Variants in WNT2B observed in about 807,000 individuals in gnomAD.
WNT2B encodes the protein protein Wnt-2b.
In WNT2B, 19 loss-of-function variants were observed where a neutral mutation model predicts 40.5. The ratio of observed to expected loss-of-function variants is 0.47; its 90% CI spans 0.33 to 0.69. WNT2B has a LOEUF of 0.69. Ranked by LOEUF, WNT2B falls within the 30% of genes least tolerant of loss-of-function variation. WNT2B has a pLI of 0.02. For synonymous variants in WNT2B, 220 were observed against 211.9 expected, an observed-to-expected ratio of 1.04 and a Z score of -0.33; for missense variants, 467 against 556.4, an observed-to-expected ratio of 0.84 and a Z score of 1.62.
Position 112,509,174 on chromosome 1 carries a change from G to C in WNT2B, c.-89G>C. 2 of 1,393,512 alleles carry C rather than the reference G, an allele frequency of 1.4e-6. No individual in the cohort carries two copies. Among genetic ancestry groups the C allele is most frequent in the Non-Finnish European group, 1.8e-6 (2 of 1,084,060 alleles). The allele number at this position is 1,393,512 out of a possible 1,614,324, so 86.3% of individuals were successfully genotyped here. A position where few individuals can be genotyped will look rare whatever the true frequency, so the allele number is the denominator to read the frequency against. On this transcript the variant is annotated 5_prime_UTR_variant, in exon 1 of 5. Transcript: ENST00000369684. This position sits in a 1 kb window ranked among gnomAD's most constrained non-coding sequence, Gnocchi z 4.2. ...CGCCGGCGAACACCATGGCCCCCCAGGGGGGTGAGGTAGGAGCAGCCTGAG... is the reference window on the plus strand; with the variant it reads ...CGCCGGCGAACACCATGGCCCCCCACGGGGGTGAGGTAGGAGCAGCCTGAG...
chr1:112,467,029 A>G (rs922666402), exon 1 of WNT2B: 1 of 155,688 alleles, frequency 6.4e-6, no homozygotes, highest in African/African-American at 2.4e-5. Flanking sequence ...ATAGAGCAAC[A>G]AGCTGTGGCT....
intron 1 of WNT2B, 178 bp from the exon 2 acceptor site, chr1:112,514,696 A>G (rs552742158): frequency 3.1e-6 from 2 of 653,554 alleles, no homozygotes; most frequent in South Asian, 3.6e-5. Context: ...CTGTATAACT[A>G]TTAATACTTC....
chr1:112,514,580 G>C (rs544486723), intron 1 of WNT2B, among the ~76,000 whole-genome samples: 3 of 152,366 alleles, frequency 2.0e-5, no homozygotes, highest in Middle Eastern at 3.4e-3. Flanking sequence ...CACAGCTTCT[G>C]TGTATGTGAC....
At chr1:112,479,439 TG>T (rs1488030290) in intron 1 of WNT2B, among the ~76,000 whole-genome samples, 6 of 151,460 alleles carry the variant, frequency 4.0e-5, no homozygotes, top group African/African-American at 1.5e-4. Context: ...CCGGTTGTGG[TG>T]GCAGGCACCT....
At position 112,516,319 on chromosome 1, in the gene WNT2B, G is replaced by A; in HGVS notation, c.583G>A (p.Gly195Ser). 2 of 1,614,060 alleles carry A rather than the reference G, an allele frequency of 1.2e-6. No individual in the cohort carries two copies. Among genetic ancestry groups the A allele is most frequent in the Non-Finnish European group, 1.7e-6 (2 of 1,180,032 alleles). The change falls in exon 3 of 5, where the codon GGT becomes AGT. Residue 195 changes from glycine to serine, a missense_variant. Physicochemically the swap from Gly to Ser is moderately conservative, Grantham distance 56. Transcript: ENST00000369684. ...WGGCSDNIHY[G>S]VRFAKAFVDA... ...TGGCTGCAGTGACAACATCCACTAC[G>A]GTGTCCGTTTTGCCAAGGCCTTCGT... is the stretch of plus-strand genomic sequence containing the variant.
chr1:112,479,401 C>G (rs966074754), intron 1 of WNT2B, among the ~76,000 whole-genome samples: 8 of 151,188 alleles, frequency 5.3e-5, no homozygotes, highest in Non-Finnish European at 1.0e-4. Context: ...TGGTGAAACC[C>G]CGTCTCTACT....
At chr1:112,493,953 AC>A (rs1262816670) in intron 1 of WNT2B, among the ~76,000 whole-genome samples, 5 of 146,378 alleles carry the variant, frequency 3.4e-5, no homozygotes, top group African/African-American at 7.5e-5. Context: ...AAAAAAAAAA[AC>A]GATATTGAAA....
At chr1:112,487,396 A>G (rs1323819529) in intron 1 of WNT2B, among the ~76,000 whole-genome samples, 2 of 152,160 alleles carry the variant, frequency 1.3e-5, no homozygotes, top group African/African-American at 4.8e-5. Flanking sequence ...CTCCTAATAA[A>G]CCTATCATAA....
chr1:112,505,268 A>C (rs1283576121), upstream of WNT2B, among the ~76,000 whole-genome samples: 1 of 152,192 alleles, frequency 6.6e-6, no homozygotes, highest in African/African-American at 2.4e-5. Context: ...ACTGTTCACT[A>C]TGTCTGCAGC....
At chr1:112,512,717 G>C (rs554753082) in intron 1 of WNT2B, among the ~76,000 whole-genome samples, 1 of 152,200 alleles carries the variant, frequency 6.6e-6, no homozygotes, top group African/African-American at 2.4e-5. Flanking sequence ...CTCAGTGCTT[G>C]GCACATGGTA....
intron 1 of WNT2B, among the ~76,000 whole-genome samples, chr1:112,469,758 C>T (rs1369129922): frequency 6.6e-6 from 1 of 152,032 alleles, no homozygotes; most frequent in East Asian, 1.9e-4. Context: ...GGATTACAGG[C>T]ACATGCCACC....
chr1:112,495,406 T>C (rs1054934148), intron 1 of WNT2B, among the ~76,000 whole-genome samples: 1 of 151,500 alleles, frequency 6.6e-6, no homozygotes, highest in African/African-American at 2.4e-5. Context: ...GAAACCCCCG[T>C]CTCTACTAAA....
chr1:112,468,293 A>G (rs1472748728), intron 1 of WNT2B, among the ~76,000 whole-genome samples: 1 of 152,090 alleles, frequency 6.6e-6, no homozygotes, highest in African/African-American at 2.4e-5. Flanking sequence ...TTGATATACT[A>G]TTTATTTTCC....
At chr1:112,492,928 A>G (rs982597116) in intron 1 of WNT2B, among the ~76,000 whole-genome samples, 1 of 152,180 alleles carries the variant, frequency 6.6e-6, no homozygotes, top group Non-Finnish European at 1.5e-5. Flanking sequence ...ACCTTAACAC[A>G]TTACTAAATG....
chr1:112,495,145 T>C (rs1651721969), intron 1 of WNT2B, among the ~76,000 whole-genome samples: 1 of 151,458 alleles, frequency 6.6e-6, no homozygotes, highest in Non-Finnish European at 1.5e-5. Flanking sequence ...ATAACTAATA[T>C]GCTAAGAAAG....
chr1:112,483,526 G>A (rs1166683577), intron 1 of WNT2B, among the ~76,000 whole-genome samples: 11 of 151,410 alleles, frequency 7.3e-5, no homozygotes, highest in African/African-American at 2.7e-4. Flanking sequence ...AAAACTCCTA[G>A]AAGAAAACAT....
At chr1:112,507,763 G>A (rs556361073), upstream of WNT2B, among the ~76,000 whole-genome samples, 3 of 152,384 alleles carry the variant, frequency 2.0e-5, no homozygotes, top group South Asian at 6.2e-4. Flanking sequence ...AAAATCATAT[G>A]AGGAGGCAGG....
rs1031171007 is a variant in WNT2B at position 112,520,613 on chromosome 1, C to A, written c.*104C>A. ...TCCACCCTCCACCCTGGGCTGCTAC[C>A]GCTTCTATTTAAGGATGTAGAGAGT... On this transcript the variant is annotated 3_prime_UTR_variant, in exon 5 of 5. Transcript: ENST00000369684. The A allele has an allele frequency of 8.4e-7, 1 of 1,191,770 alleles. No individual in the cohort carries two copies. The highest frequency in any genetic ancestry group is 1.2e-6 in the Non-Finnish European group (1 of 833,574). The allele number at this position is 1,191,770 out of a possible 1,614,324, so 73.8% of individuals were successfully genotyped here.
chr1:112,529,192 A>G lies in WNT2B; in HGVS notation c.*8683A>G, dbSNP rs555608162. The G allele has an allele frequency of 2.6e-5, 4 of 152,222 alleles. No homozygotes were observed. In the East Asian group the frequency reaches 7.7e-4, roughly 29 times the overall value. The allele number at this position is 152,222 out of a possible 1,614,324, so 9.4% of individuals were successfully genotyped here. ...TTTGTGTGTTTGTGTGTGTGTGTAC[A>G]CTGAATAAGCCAAAACGTGTGCCAT... is the stretch of plus-strand genomic sequence containing the variant. On this transcript the variant is annotated 3_prime_UTR_variant, in exon 5 of 5. Coordinates refer to ENST00000369684, the MANE Select transcript of WNT2B (RefSeq NM_024494.3).
Sources: allele counts gnomAD v4.1 joint callset (sites outside exome capture counted in the v4.1 genomes callset), GRCh38; gene constraint gnomAD v4.1.1; non-coding constraint Gnocchi (gnomAD v3.1); transcripts MANE v1.5; gene names NCBI Gene and HGNC (gene_info 2026-07-23, HGNC 2026-07-21).